Variants in PTPRN2 observed in about 807,000 individuals in gnomAD.
PTPRN2 encodes protein tyrosine phosphatase receptor type N2, also known as receptor-type tyrosine-protein phosphatase N2.
In PTPRN2, 74 loss-of-function variants were observed where a neutral mutation model predicts 118.8. The ratio of observed to expected loss-of-function variants is 0.62; its 90% CI spans 0.52 to 0.76. The LOEUF (loss-of-function observed/expected upper bound fraction) is 0.76, where lower values mean the gene tolerates loss of function less well. PTPRN2 is among the 30% of genes least tolerant of loss of function. The pLI, the probability that PTPRN2 is intolerant of heterozygous loss-of-function variation, is 0.00. For synonymous variants in PTPRN2, 641 were observed against 608.0 expected (o/e 1.05, Z -0.80); for missense variants, 1,481 against 1,394.4 (o/e 1.06, Z -0.99).
At chr7:157,926,802 C>T (rs922804274) in intron 11 of PTPRN2, among the ~76,000 whole-genome samples, 1 of 152,226 alleles carries the variant, frequency 6.6e-6, no homozygotes, top group African/African-American at 2.4e-5. Flanking sequence ...CTGGACACTC[C>T]ATGGCCCCCA....
intron 3 of PTPRN2, among the ~76,000 whole-genome samples, chr7:158,225,072 C>A (rs1179050297): frequency 6.6e-6 from 1 of 151,890 alleles, no homozygotes; most frequent in Non-Finnish European, 1.5e-5. Flanking sequence ...ACATCAAATG[C>A]TGGAAAGGAT....
At chr7:157,960,976 C>T (rs1801489247) in intron 11 of PTPRN2, among the ~76,000 whole-genome samples, 1 of 152,226 alleles carries the variant, frequency 6.6e-6, no homozygotes, top group African/African-American at 2.4e-5. Flanking sequence ...CACTGCACTC[C>T]AGCCTGGGTG....
intron 2 of PTPRN2, among the ~76,000 whole-genome samples, chr7:158,341,536 G>T (rs1335670006): frequency 4.7e-4 from 22 of 46,826 alleles, no homozygotes; most frequent in African/African-American, 8.8e-4. Context: ...CTCACCATAA[G>T]AGGTGACATC....
chr7:158,030,921 C>T (rs1409165613), intron 11 of PTPRN2: 1 of 152,300 alleles, frequency 6.6e-6, no homozygotes, highest in Non-Finnish European at 1.5e-5. Flanking sequence ...GCCAGGCCCA[C>T]AGCTCTTCCT....
rs531981889 is a variant in PTPRN2, at chr7:158,081,244, G to A, written c.1723+54C>T. ...TGTGCATGTGCGTGTTTGCGTGCGT[G>A]TGTGTGTGCACACACGTGTGTGTGC... is the stretch of plus-strand genomic sequence containing the variant. On this transcript the variant is annotated intron_variant, in intron 11 of 22. Coordinates refer to ENST00000389418, the MANE Select transcript of PTPRN2 (RefSeq NM_002847.5). 2.7e-6 allele frequency: 4 copies of A among 1,496,104 alleles called. No homozygotes were observed. In the African/African-American group the frequency reaches 4.2e-5, roughly 16 times the overall value. The allele number at this position is 1,496,104 out of a possible 1,614,324, so 92.7% of individuals were successfully genotyped here.
intron 11 of PTPRN2, among the ~76,000 whole-genome samples, chr7:157,932,840 G>A (rs1011972477): frequency 6.6e-6 from 1 of 151,306 alleles, no homozygotes; most frequent in African/African-American, 2.4e-5. Context: ...CATTTATAGA[G>A]TAAGGGTGAG....
chr7:158,515,187 ATTTT>A (rs56906268), intron 1 of PTPRN2, among the ~76,000 whole-genome samples: 1 of 139,154 alleles, frequency 7.2e-6, no homozygotes. Flanking sequence ...CAGTGAGTGT[ATTTT>A]TTTTTTTTTT....
In PTPRN2 at chr7:158,296,733, C is replaced by A. The variant is rs1168884867; in HGVS notation, c.277+20086G>T. Among the ~76,000 whole-genome samples, 5 of 152,226 alleles carry A rather than the reference C, an allele frequency of 3.3e-5. No homozygotes were observed. In the East Asian group the frequency reaches 9.6e-4, roughly 29 times the overall value. On this transcript the variant is annotated intron_variant, in intron 3 of 22. Coordinates refer to ENST00000389418, the MANE Select transcript of PTPRN2 (RefSeq NM_002847.5). ...GCAACCCACTCCTCCATCGCACGCC[C>A]TGTGAGGGGAATAAGGGAACTTTTC... is the stretch of plus-strand genomic sequence containing the variant.
intron 12 of PTPRN2, among the ~76,000 whole-genome samples, chr7:157,737,022 T>C (rs1027675595): frequency 6.6e-6 from 1 of 152,210 alleles, no homozygotes; most frequent in Non-Finnish European, 1.5e-5. Context: ...CCGGGGGCAA[T>C]GCATCTTCTC....
intron 9 of PTPRN2, among the ~76,000 whole-genome samples, chr7:158,127,665 C>T (rs1296553978): frequency 6.6e-6 from 1 of 152,210 alleles, no homozygotes; most frequent in East Asian, 1.9e-4. Context: ...CCGCAGAATA[C>T]ATCCCAATCC....
intron 10 of PTPRN2, among the ~76,000 whole-genome samples, chr7:158,102,505 C>T (rs1287639060): frequency 6.6e-6 from 1 of 152,148 alleles, no homozygotes; most frequent in Non-Finnish European, 1.5e-5. Context: ...TCCCTGAGGA[C>T]AATCTCACTT....
chr7:158,324,986 A>G (rs1355686204), intron 2 of PTPRN2, among the ~76,000 whole-genome samples: 1 of 152,262 alleles, frequency 6.6e-6, no homozygotes, highest in African/African-American at 2.4e-5. Context: ...GCATCTGCTG[A>G]GAAACGTCAC....
rs144290310 is a variant in PTPRN2 at position 157,991,923 on chromosome 7, C to T, written c.1723+89375G>A. 3.6e-3 allele frequency among the ~76,000 whole-genome samples: 554 copies of T among 151,914 alleles called. 2 individuals are homozygous for T. The highest frequency in any genetic ancestry group is 0.013 in the African/African-American group (525 of 41,462). ...AAGGCTCCCAGCATCGGTCACAGCC[C>T]GTGCCCCTCGCAGGCCTGCATGACA... On this transcript the variant is annotated intron_variant, in intron 11 of 22. Transcript: ENST00000389418.
Position 157,576,843 on chromosome 7 carries a change from G to A in PTPRN2, c.2617-64C>T, listed in dbSNP as rs887837816. On this transcript the variant is annotated intron_variant, in intron 18 of 22. Transcript: ENST00000389418. ...GTGGACATTGTGAACCGAACCTCAG[G>A]CACTGAGGAACCCAGGGCCACGTCT... 20 of 1,441,774 alleles carry A rather than the reference G, an allele frequency of 1.4e-5. No homozygotes were observed. In the African/African-American group the frequency reaches 2.7e-4, roughly 19 times the overall value. 89.3% of individuals were successfully genotyped at this position (1,441,774 alleles called of 1,614,324 possible).
At chr7:158,142,033 C>A (rs1819435603) in intron 6 of PTPRN2, among the ~76,000 whole-genome samples, 1 of 152,200 alleles carries the variant, frequency 6.6e-6, no homozygotes, top group Non-Finnish European at 1.5e-5. Flanking sequence ...ACAGTGGCGG[C>A]TTCTTTACCT....
chr7:158,003,189 C>T lies in PTPRN2; in HGVS notation c.1723+78109G>A, dbSNP rs980873903. Among the ~76,000 whole-genome samples the T allele has an allele frequency of 2.3e-4, 35 of 151,794 alleles. No homozygotes were observed. Among genetic ancestry groups the T allele is most frequent in the Non-Finnish European group, 1.9e-4 (13 of 67,946 alleles). Reference sequence around the variant, plus strand: ...CAGCACTTTGGGAGGCCGAGACGGGCGGATCACGAGGTCAGGAGATCGAGA... The same window carrying T: ...CAGCACTTTGGGAGGCCGAGACGGGTGGATCACGAGGTCAGGAGATCGAGA... On this transcript the variant is annotated intron_variant, in intron 11 of 22. Coordinates refer to ENST00000389418, the MANE Select transcript of PTPRN2 (RefSeq NM_002847.5). The surrounding 1 kb of genome is among the most constrained non-coding windows in gnomAD (Gnocchi z 5.0).
chr7:158,253,601 C>T (rs766261435), intron 3 of PTPRN2, among the ~76,000 whole-genome samples: 4 of 152,172 alleles, frequency 2.6e-5, no homozygotes, highest in African/African-American at 9.7e-5. Context: ...TCTGTCCCCT[C>T]CCCTCGGCGG....
At chr7:158,430,838 A>G (rs1238948575) in intron 2 of PTPRN2, among the ~76,000 whole-genome samples, 1 of 152,236 alleles carries the variant, frequency 6.6e-6, no homozygotes, top group Non-Finnish European at 1.5e-5. Flanking sequence ...AACAGCAGTG[A>G]GGAAGGGGGA....
intron 12 of PTPRN2, among the ~76,000 whole-genome samples, chr7:157,792,799 T>C (rs1422355898): frequency 6.6e-6 from 1 of 152,164 alleles, no homozygotes; most frequent in Non-Finnish European, 1.5e-5. Flanking sequence ...CTAGGAGGGC[T>C]TGGGTACTTC....
Sources: gnomAD v4.1 joint callset for allele counts (sites outside exome capture counted in the v4.1 genomes callset) on GRCh38, gnomAD v4.1.1 for gene constraint, Gnocchi (gnomAD v3.1) non-coding constraint, MANE v1.5 for transcripts, NCBI Gene and HGNC (gene_info 2026-07-23, HGNC 2026-07-21) for gene names.